Variants in TSHZ2 observed in about 807,000 individuals in gnomAD.
TSHZ2 encodes teashirt zinc finger homeobox 2.
TSHZ2 carries 21 observed loss-of-function variants against 74.4 expected under a neutral mutation model. That is an observed-to-expected ratio of 0.28 (90% CI 0.20 to 0.41). TSHZ2 has a LOEUF of 0.41. Among genes scored for constraint, TSHZ2 ranks in the 10% least tolerant of loss-of-function variants. TSHZ2 has a pLI of 1.00. For synonymous variants in TSHZ2, 540 were observed against 515.3 expected (o/e 1.05, Z -0.65); for missense variants, 1,244 against 1,293.5 (o/e 0.96, Z 0.59).
rs754005389 is a variant in TSHZ2 at position 53,317,772 on chromosome 20, G to A, written c.*8+61201G>A. ...CCTTTATCATTCAAAGGACATTGCC[G>A]ATCAAAAACCCTCTTTTTGCACACA... On this transcript the variant is annotated intron_variant, in intron 2 of 2. Coordinates refer to ENST00000371497, the MANE Select transcript of TSHZ2 (RefSeq NM_173485.6). Among the ~76,000 whole-genome samples, 39 of 152,154 alleles carry A rather than the reference G, an allele frequency of 2.6e-4. 1 individual carries two copies. Among genetic ancestry groups the A allele is most frequent in the African/African-American group, 8.0e-4 (33 of 41,426 alleles).
intron 1 of TSHZ2, among the ~76,000 whole-genome samples, chr20:53,239,134 G>A (rs1990008429): frequency 1.3e-5 from 2 of 152,146 alleles, no homozygotes; most frequent in South Asian, 4.1e-4. Flanking sequence ...GCAGCATCCT[G>A]GGTCTCTACC....
At chr20:53,308,985 A>G (rs796386455) in intron 2 of TSHZ2, among the ~76,000 whole-genome samples, 1 of 152,336 alleles carries the variant, frequency 6.6e-6, no homozygotes, top group African/African-American at 2.4e-5. Context: ...CAGAGAACTC[A>G]GGGGGCAAAA....
chr20:53,235,464 C>G (rs1188237031), intron 1 of TSHZ2, among the ~76,000 whole-genome samples: 1 of 152,200 alleles, frequency 6.6e-6, no homozygotes, highest in Non-Finnish European at 1.5e-5. Context: ...GCCACCACCC[C>G]TGGCCAGGAC....
rs118141169 is a variant in TSHZ2, at chr20:53,339,287, G to T, written c.*8+82716G>T. ...AATACCAGGCCCTATGCAGGGAGTG[G>T]TGGGCACATTCAGGCCAGGGAAAGA... On this transcript the variant is annotated intron_variant, in intron 2 of 2. Coordinates refer to ENST00000371497, the MANE Select transcript of TSHZ2 (RefSeq NM_173485.6). Among the ~76,000 whole-genome samples the T allele has an allele frequency of 1.1e-4, 17 of 152,286 alleles. No individual in the cohort carries two copies. The East Asian group carries it at 2.9e-3, about 26-fold the overall frequency.
chr20:53,232,377 A>G (rs999592891), intron 1 of TSHZ2, among the ~76,000 whole-genome samples: 1 of 152,220 alleles, frequency 6.6e-6, no homozygotes, highest in Non-Finnish European at 1.5e-5. Flanking sequence ...CTGAGGAAAC[A>G]GAAGGACCCA....
At chr20:53,382,093 C>G (rs1427496098) in intron 2 of TSHZ2, among the ~76,000 whole-genome samples, 1 of 152,162 alleles carries the variant, frequency 6.6e-6, no homozygotes, top group Non-Finnish European at 1.5e-5. Flanking sequence ...CTCCTTTGCC[C>G]CTCAAACTTA....
chr20:53,278,558 A>G (rs1011101432), intron 2 of TSHZ2, among the ~76,000 whole-genome samples: 7 of 152,318 alleles, frequency 4.6e-5, no homozygotes, highest in Admixed American at 3.9e-4. Flanking sequence ...TTTTCCCAGT[A>G]CAGAACTGCC....
intron 1 of TSHZ2, among the ~76,000 whole-genome samples, chr20:53,078,652 G>T (rs1985440276): frequency 6.6e-6 from 1 of 152,182 alleles, no homozygotes; most frequent in Non-Finnish European, 1.5e-5. Flanking sequence ...ACAGCAGTGA[G>T]GTAGTTACTG....
intron 2 of TSHZ2, among the ~76,000 whole-genome samples, chr20:53,301,963 GT>G (rs1157751159): frequency 3.9e-5 from 6 of 152,242 alleles, no homozygotes; most frequent in Non-Finnish European, 8.8e-5. Flanking sequence ...AAAAGGAAAA[GT>G]GGGGGGAAAA....
chr20:53,226,304 C>T (rs925247365), intron 1 of TSHZ2, among the ~76,000 whole-genome samples: 8 of 152,086 alleles, frequency 5.3e-5, no homozygotes, highest in African/African-American at 1.9e-4. Flanking sequence ...AAAAAAGACA[C>T]AACAAAAATA....
At chr20:53,018,410 G>A (rs985127823) in intron 1 of TSHZ2, among the ~76,000 whole-genome samples, 3 of 152,170 alleles carry the variant, frequency 2.0e-5, no homozygotes. Flanking sequence ...CTGCTCCACT[G>A]CTAGTCCTGG....
intron 1 of TSHZ2, among the ~76,000 whole-genome samples, chr20:53,250,532 A>G (rs1659890146): frequency 1.3e-5 from 2 of 152,056 alleles, no homozygotes; most frequent in African/African-American, 4.8e-5. Flanking sequence ...GTTAAAATAC[A>G]CTCACTTTGA....
intron 2 of TSHZ2, among the ~76,000 whole-genome samples, chr20:53,302,823 C>A (rs1441912863): frequency 2.0e-5 from 3 of 152,166 alleles, no homozygotes; most frequent in African/African-American, 7.2e-5. Context: ...TTTAAATGAA[C>A]CCCGTAAAAT....
chr20:53,090,632 C>G (rs1472960547), intron 1 of TSHZ2, among the ~76,000 whole-genome samples: 1 of 152,188 alleles, frequency 6.6e-6, no homozygotes, highest in Non-Finnish European at 1.5e-5. Context: ...GAGCAGCTGA[C>G]AGCAGCTTGC....
chr20:53,473,913 G>A (rs1985909532), intron 2 of TSHZ2, among the ~76,000 whole-genome samples: 1 of 152,152 alleles, frequency 6.6e-6, no homozygotes, highest in Non-Finnish European at 1.5e-5. Context: ...ATCAGCGATG[G>A]AAGATGAAAT....
chr20:53,312,679 G>A (rs993714887), intron 2 of TSHZ2, among the ~76,000 whole-genome samples: 1 of 152,162 alleles, frequency 6.6e-6, no homozygotes, highest in African/African-American at 2.4e-5. Context: ...GCTGTTCCGA[G>A]TTCTTAATTA....
chr20:53,036,218 C>G (rs764192543), intron 1 of TSHZ2, among the ~76,000 whole-genome samples: 5 of 152,126 alleles, frequency 3.3e-5, no homozygotes, highest in Non-Finnish European at 5.9e-5. Context: ...GTTATTTATT[C>G]CTTGCTGAAA....
rs560797149 is a variant in TSHZ2 at position 53,012,752 on chromosome 20, G to A, written c.40+39419G>A. On this transcript the variant is annotated intron_variant, in intron 1 of 2. Coordinates refer to ENST00000371497, the MANE Select transcript of TSHZ2 (RefSeq NM_173485.6). ...CACAGGTGCACAAGTACACTTTTTG[G>A]GAAGGCAGTTTTCTTTTCTCGCTCA... 2.0e-5 allele frequency among the ~76,000 whole-genome samples: 3 copies of A among 152,108 alleles called. No homozygotes were observed. The South Asian group carries it at 6.2e-4, about 32-fold the overall frequency.
intron 2 of TSHZ2, among the ~76,000 whole-genome samples, chr20:53,293,994 G>A (rs976869635): frequency 2.6e-5 from 4 of 152,110 alleles, no homozygotes; most frequent in Admixed American, 2.6e-4. Flanking sequence ...CTCCAGCCTG[G>A]CGACAGAGCG....
Sources: gnomAD v4.1 joint callset for allele counts (sites outside exome capture counted in the v4.1 genomes callset) on GRCh38, gnomAD v4.1.1 for gene constraint, MANE v1.5 for transcripts, NCBI Gene and HGNC (gene_info 2026-07-23, HGNC 2026-07-21) for gene names.